The following AFF3 variants were observed in gnomAD, a reference collection of about 807,000 sequenced individuals.
The protein encoded by AFF3 is AF4/FMR2 family member 3.
In AFF3, 32 loss-of-function variants were observed where a neutral mutation model predicts 129.7. That is an observed-to-expected ratio of 0.25 (90% CI 0.19 to 0.33). The LOEUF (loss-of-function observed/expected upper bound fraction) is 0.33, where lower values mean the gene tolerates loss of function less well. Among genes scored for constraint, AFF3 ranks in the 10% least tolerant of loss-of-function variants. The probability of loss-of-function intolerance (pLI) is 1.00; values close to 1 mark genes in which losing one functional copy is unlikely to be tolerated. For missense variants in AFF3, 1,373 were observed against 1,592.0 expected (o/e 0.86, Z 2.34); for synonymous variants, 644 against 635.4 (o/e 1.01, Z -0.20).
intron 7 of AFF3, among the ~76,000 whole-genome samples, chr2:99,922,778 G>T (rs1225229237): frequency 6.6e-6 from 1 of 152,168 alleles, no homozygotes; most frequent in Non-Finnish European, 1.5e-5. Flanking sequence ...CATTTGAGAA[G>T]TGTTTTTTCC....
chr2:99,666,880 T>G (rs1162702441), intron 12 of AFF3, among the ~76,000 whole-genome samples: 1 of 151,978 alleles, frequency 6.6e-6, no homozygotes, highest in Non-Finnish European at 1.5e-5. Context: ...ACACACCAAC[T>G]AACAGAGCTG....
chr2:100,044,398 G>A (rs1685671593), intron 4 of AFF3, among the ~76,000 whole-genome samples: 1 of 152,038 alleles, frequency 6.6e-6, no homozygotes, highest in African/African-American at 2.4e-5. Flanking sequence ...TGAAAACACT[G>A]AACGTATTCA....
At chr2:99,637,522 G>A (rs892815899) in intron 13 of AFF3, among the ~76,000 whole-genome samples, 23 of 152,138 alleles carry the variant, frequency 1.5e-4, no homozygotes, top group African/African-American at 5.6e-4. Flanking sequence ...GACGACATAT[G>A]CAAAATTAAA....
chr2:99,669,748 T>A (rs1421789397), intron 12 of AFF3, among the ~76,000 whole-genome samples: 1 of 152,134 alleles, frequency 6.6e-6, no homozygotes, highest in African/African-American at 2.4e-5. Flanking sequence ...GGCGGGTGGA[T>A]CACTTGAGGT....
chr2:99,606,358 T>TAC (rs1282274635), intron 13 of AFF3, among the ~76,000 whole-genome samples: 1 of 152,198 alleles, frequency 6.6e-6, no homozygotes, highest in East Asian at 1.9e-4. Context: ...GCATGCTACC[T>TAC]ACCAAGTTCT....
rs1301102413 is a variant in AFF3, at chr2:100,016,357, G to C, written c.54-7425C>G. The stretch of plus-strand genomic sequence containing the variant: ...AGTGGTAGTGATAGTGATGGTGATG[G>C]TGGTAGTGATGGTGATGGTGGTGGT... On this transcript the variant is annotated intron_variant, in intron 4 of 24. Coordinates refer to ENST00000672756, the MANE Select transcript of AFF3 (RefSeq NM_001386135.1). 2.0e-5 allele frequency among the ~76,000 whole-genome samples: 3 copies of C among 151,340 alleles called. No homozygotes were observed. The East Asian group carries it at 5.9e-4, about 30-fold the overall frequency.
chr2:99,790,276 G>A (rs952662015), intron 8 of AFF3, among the ~76,000 whole-genome samples: 9 of 152,222 alleles, frequency 5.9e-5, no homozygotes, highest in African/African-American at 1.4e-4. Flanking sequence ...CTGGGCTAAC[G>A]TGGTAACTAG....
At chr2:99,570,848 C>G (rs573463249) in intron 18 of AFF3, among the ~76,000 whole-genome samples, 1 of 152,360 alleles carries the variant, frequency 6.6e-6, no homozygotes, top group African/African-American at 2.4e-5. Flanking sequence ...ACTCTCCTCT[C>G]TGTTCATTCA....
At chr2:99,728,254 C>T (rs1419521106) in intron 10 of AFF3, among the ~76,000 whole-genome samples, 1 of 152,088 alleles carries the variant, frequency 6.6e-6, no homozygotes, top group African/African-American at 2.4e-5. Context: ...AGCGTGGGCT[C>T]GTGTGTTTCC....
chr2:99,703,447 T>C (rs1372142042), intron 11 of AFF3, among the ~76,000 whole-genome samples: 2 of 152,324 alleles, frequency 1.3e-5, no homozygotes, highest in East Asian at 1.9e-4. Context: ...GAAGTTTGGA[T>C]TGAAGTTCAT....
chr2:99,769,704 G>A (rs1332893040), intron 8 of AFF3, among the ~76,000 whole-genome samples: 2 of 152,164 alleles, frequency 1.3e-5, no homozygotes, highest in African/African-American at 4.8e-5. Flanking sequence ...TGCATTAGGG[G>A]GCACCCCAAG....
At chr2:99,621,984 A>G (rs1343379531) in intron 13 of AFF3, among the ~76,000 whole-genome samples, 1 of 152,112 alleles carries the variant, frequency 6.6e-6, no homozygotes, top group Non-Finnish European at 1.5e-5. Flanking sequence ...TTCTATTTAG[A>G]TATGTGGGTG....
chr2:99,911,214 T>A (rs1319289676), intron 7 of AFF3, among the ~76,000 whole-genome samples: 1 of 152,096 alleles, frequency 6.6e-6, no homozygotes, highest in African/African-American at 2.4e-5. Context: ...AATGTGGCAC[T>A]ATGGGTCTTC....
At chr2:100,031,472 A>G (rs984685274) in intron 4 of AFF3, among the ~76,000 whole-genome samples, 1 of 152,112 alleles carries the variant, frequency 6.6e-6, no homozygotes, top group African/African-American at 2.4e-5. Context: ...GTATACACAC[A>G]TGTATTTCCT....
At chr2:99,875,257 TG>T (rs1692197737) in intron 7 of AFF3, among the ~76,000 whole-genome samples, 1 of 152,098 alleles carries the variant, frequency 6.6e-6, no homozygotes. Flanking sequence ...CCGAGGCCTG[TG>T]GTTCTGGGTG....
chr2:99,789,702 T>C (rs1036898035), intron 8 of AFF3, among the ~76,000 whole-genome samples: 1 of 152,154 alleles, frequency 6.6e-6, no homozygotes, highest in African/African-American at 2.4e-5. Context: ...GAACAGGTCA[T>C]GTCAGGAGAG....
intron 7 of AFF3, among the ~76,000 whole-genome samples, chr2:100,004,636 C>T (rs370891438): frequency 5.7e-4 from 87 of 151,908 alleles, no homozygotes; most frequent in African/African-American, 1.9e-3. Flanking sequence ...AATGCACCTG[C>T]GAAAGAGTAT....
rs1185084808 is a variant in AFF3, at chr2:99,648,885, G to GCACA, written c.1184+737_1184+740dup. 4.6e-3 allele frequency among the ~76,000 whole-genome samples: 429 copies of GCACA among 93,822 alleles called. 3 individuals are homozygous for GCACA. Among genetic ancestry groups the GCACA allele is most frequent in the Non-Finnish European group, 6.1e-3 (288 of 47,348 alleles). The allele number at this position is 93,822 out of a possible 152,430, so 61.6% of individuals were successfully genotyped here. ...CCTGACAGTTCCTCAAAACACGCGC[G>GCACA]CACACACACACACACACACACACAC... On this transcript the variant is annotated intron_variant, in intron 13 of 24. Coordinates refer to ENST00000672756, the MANE Select transcript of AFF3 (RefSeq NM_001386135.1).
chr2:100,127,714 T>C (rs1182890735), intron 2 of AFF3, among the ~76,000 whole-genome samples: 1 of 152,214 alleles, frequency 6.6e-6, no homozygotes, highest in African/African-American at 2.4e-5. Flanking sequence ...CTGCAGGAGT[T>C]GGCATTCATC....
Sources: gnomAD v4.1 joint callset for allele counts (sites outside exome capture counted in the v4.1 genomes callset) on GRCh38, gnomAD v4.1.1 for gene constraint, MANE v1.5 for transcripts, NCBI Gene and HGNC (gene_info 2026-07-23, HGNC 2026-07-21) for gene names.